Variants in MYRIP observed in about 807,000 individuals in gnomAD.
MYRIP encodes rab effector MyRIP.
A neutral mutation model predicts 98.0 loss-of-function variants in MYRIP; 49 were observed. That is an observed-to-expected ratio of 0.50 (90% CI 0.40 to 0.63). The LOEUF is 0.63. MYRIP is among the 30% of genes least tolerant of loss of function. The probability of loss-of-function intolerance (pLI) is 0.00; values close to 1 mark genes in which losing one functional copy is unlikely to be tolerated. For synonymous variants in MYRIP, 404 were observed against 409.5 expected (o/e 0.99, Z 0.16); for missense variants, 1,004 against 1,058.2 (o/e 0.95, Z 0.71).
chr3:40,081,278 C>T (rs1402982716), intron 3 of MYRIP, among the ~76,000 whole-genome samples: 1 of 152,080 alleles, frequency 6.6e-6, no homozygotes, highest in Non-Finnish European at 1.5e-5. Flanking sequence ...CTCAAATCTT[C>T]TATATTCTTC....
intron 1 of MYRIP, among the ~76,000 whole-genome samples, chr3:39,825,989 C>T (rs1157771262): frequency 6.6e-6 from 1 of 151,968 alleles, no homozygotes; most frequent in Non-Finnish European, 1.5e-5. Flanking sequence ...ATAATAGTCT[C>T]TCATGAGCCT....
At chr3:40,233,821 T>A in intron 11 of MYRIP, 38 bp from the exon 12 acceptor site, 1 of 1,576,660 alleles carries the variant, frequency 6.3e-7, no homozygotes, top group South Asian at 1.1e-5. Flanking sequence ...AATGTGCTGT[T>A]CTTGTCTTCT....
chr3:40,139,766 G>A (rs969877746), intron 3 of MYRIP, among the ~76,000 whole-genome samples: 1 of 152,112 alleles, frequency 6.6e-6, no homozygotes, highest in Non-Finnish European at 1.5e-5. Context: ...TTTTAGTAGA[G>A]ATGAGGTTTT....
chr3:39,864,992 A>G (rs1306803997), intron 1 of MYRIP, among the ~76,000 whole-genome samples: 1 of 152,190 alleles, frequency 6.6e-6, no homozygotes, highest in Admixed American at 6.5e-5. Flanking sequence ...GCCCAGAAAT[A>G]ATGTCACACA....
At chr3:40,193,395 T>C (rs761695929) in intron 10 of MYRIP, among the ~76,000 whole-genome samples, 1 of 152,232 alleles carries the variant, frequency 6.6e-6, no homozygotes. Flanking sequence ...TTCCAACACC[T>C]AACTCCTTAA....
chr3:40,014,442 A>G (rs1195225611), intron 2 of MYRIP, among the ~76,000 whole-genome samples: 4 of 152,190 alleles, frequency 2.6e-5, no homozygotes, highest in Non-Finnish European at 4.4e-5. Context: ...ATCCCCTGGG[A>G]TCTTGGGATG....
intron 3 of MYRIP, among the ~76,000 whole-genome samples, chr3:40,108,586 C>A (rs1358094472): frequency 6.6e-6 from 1 of 152,112 alleles, no homozygotes; most frequent in African/African-American, 2.4e-5. Flanking sequence ...TCATGGCAGC[C>A]AAAGTAAGAA....
In MYRIP at chr3:40,059,132, A is replaced by G. The variant is rs188683919; in HGVS notation, c.332+14861A>G. On this transcript the variant is annotated intron_variant, in intron 3 of 16. Transcript: ENST00000302541. ...TGAACTCATCCTTTTTTGTGGCTGC[A>G]TAGTATTCTGTGGTGTATATGTGCC... Among the ~76,000 whole-genome samples the G allele has an allele frequency of 6.6e-4, 101 of 152,238 alleles. No individual in the cohort carries two copies. The Middle Eastern group carries it at 0.01, about 15-fold the overall frequency.
chr3:39,968,480 C>T (rs2125741170), intron 2 of MYRIP, among the ~76,000 whole-genome samples: 1 of 152,196 alleles, frequency 6.6e-6, no homozygotes, highest in East Asian at 1.9e-4. Flanking sequence ...AGTCTTTAAC[C>T]TATCTTGAGT....
chr3:40,176,308 T>C (rs1490775622), intron 8 of MYRIP, among the ~76,000 whole-genome samples: 1 of 152,244 alleles, frequency 6.6e-6, no homozygotes, highest in African/African-American at 2.4e-5. Context: ...ACTGGCCACA[T>C]TTCAAGTGCT....
intron 12 of MYRIP, among the ~76,000 whole-genome samples, chr3:40,241,573 G>C (rs1273879402): frequency 2.0e-5 from 3 of 152,154 alleles, no homozygotes; most frequent in Admixed American, 6.5e-5. Flanking sequence ...GTACATTAAA[G>C]CCTCTGTGAA....
At chr3:40,074,222 C>T (rs1559389040) in intron 3 of MYRIP, among the ~76,000 whole-genome samples, 1 of 151,920 alleles carries the variant, frequency 6.6e-6, no homozygotes, top group Non-Finnish European at 1.5e-5. Flanking sequence ...CTACAGGTGC[C>T]CACAACCACA....
At chr3:40,124,797 C>A (rs1949488134) in intron 3 of MYRIP, among the ~76,000 whole-genome samples, 1 of 152,180 alleles carries the variant, frequency 6.6e-6, no homozygotes, top group African/African-American at 2.4e-5. Context: ...TAAACCCCCA[C>A]CTGGCATGGC....
At chr3:40,140,757 T>C (rs1265275665) in intron 3 of MYRIP, among the ~76,000 whole-genome samples, 1 of 152,198 alleles carries the variant, frequency 6.6e-6, no homozygotes, top group Non-Finnish European at 1.5e-5. Flanking sequence ...CATGTGTGTA[T>C]GTCTTTTTTA....
chr3:40,045,697 C>T (rs1294227916), intron 3 of MYRIP, among the ~76,000 whole-genome samples: 1 of 152,192 alleles, frequency 6.6e-6, no homozygotes, highest in Non-Finnish European at 1.5e-5. Flanking sequence ...TTGGGATGCA[C>T]ACATTCAAGC....
At chr3:39,822,785 T>A (rs2125574657) in intron 1 of MYRIP, among the ~76,000 whole-genome samples, 1 of 152,340 alleles carries the variant, frequency 6.6e-6, no homozygotes, top group South Asian at 2.1e-4. Flanking sequence ...CATGCAGTGG[T>A]TAACTTTCTG....
In MYRIP at chr3:40,182,270, T is replaced by C. The variant is rs538815803; in HGVS notation, c.924T>C (p.Pro308=). The stretch of plus-strand genomic sequence containing the variant: ...CTGGAGAAGAAGCCCTGAAGACCCC[T>C]CCAGTGGAGGCTCCATCGAGGCAGC... ...SITGEEALKT[P]PVEAPSRQPR... The change falls in exon 9 of 17, where the codon CCT becomes CCC. Residue 308 remains proline, a synonymous_variant. Coordinates refer to ENST00000302541, the MANE Select transcript of MYRIP (RefSeq NM_015460.4). 1 of 1,613,924 alleles carries C rather than the reference T, an allele frequency of 6.2e-7. No individual in the cohort carries two copies. Among genetic ancestry groups the C allele is most frequent in the South Asian group, 1.1e-5 (1 of 91,028 alleles).
At chr3:40,251,088 G>A (rs979480736) in intron 15 of MYRIP, among the ~76,000 whole-genome samples, 1 of 152,184 alleles carries the variant, frequency 6.6e-6, no homozygotes, top group Non-Finnish European at 1.5e-5. Flanking sequence ...GAAATGATCT[G>A]GCAATGCCAG....
chr3:39,844,604 A>G (rs1199115542), intron 1 of MYRIP, among the ~76,000 whole-genome samples: 1 of 152,200 alleles, frequency 6.6e-6, no homozygotes, highest in Non-Finnish European at 1.5e-5. Context: ...TGACAGTGGG[A>G]ACCTACTATA....
Sources: gnomAD v4.1 joint callset for allele counts (sites outside exome capture counted in the v4.1 genomes callset) on GRCh38, gnomAD v4.1.1 for gene constraint, MANE v1.5 for transcripts, NCBI Gene and HGNC (gene_info 2026-07-23, HGNC 2026-07-21) for gene names.